The following LRP1B variants were observed in gnomAD, a reference collection of about 807,000 sequenced individuals.
The protein encoded by LRP1B is low-density lipoprotein receptor-related protein 1B.
Under a neutral mutation model 556.6 loss-of-function variants are expected in LRP1B, and 217 were observed. That is an observed-to-expected ratio of 0.39 (90% CI 0.35 to 0.44). The LOEUF is 0.44. Among genes scored for constraint, LRP1B ranks in the 20% least tolerant of loss-of-function variants. LRP1B has a pLI of 1.00. For synonymous variants in LRP1B, 2,047 were observed against 1,865.8 expected (o/e 1.10, Z -2.50); for missense variants, 5,053 against 5,620.8 (o/e 0.90, Z 3.23).
chr2:141,022,081 T>C (rs1698080046), intron 11 of LRP1B, among the ~76,000 whole-genome samples: 1 of 151,816 alleles, frequency 6.6e-6, no homozygotes, highest in South Asian at 2.1e-4. Context: ...TGACTAACTT[T>C]AACTAAAAAT....
intron 45 of LRP1B, among the ~76,000 whole-genome samples, chr2:140,538,852 T>C (rs1680027961): frequency 1.3e-5 from 2 of 152,116 alleles, no homozygotes; most frequent in Non-Finnish European, 2.9e-5. Context: ...AGTCCATTTT[T>C]AATCTTTTAT....
At chr2:141,028,905 C>T (rs555047037) in intron 11 of LRP1B, among the ~76,000 whole-genome samples, 20 of 152,136 alleles carry the variant, frequency 1.3e-4, no homozygotes, top group African/African-American at 2.6e-4. Context: ...GTGAAACATA[C>T]GCAGAATAAT....
chr2:142,028,383 T>C (rs1703576787), intron 1 of LRP1B, among the ~76,000 whole-genome samples: 2 of 152,092 alleles, frequency 1.3e-5, no homozygotes, highest in South Asian at 4.1e-4. Context: ...ACCTATTCAT[T>C]CTTCCAGTTT....
intron 3 of LRP1B, among the ~76,000 whole-genome samples, chr2:141,310,338 T>G (rs916987432): frequency 2.9e-4 from 44 of 152,174 alleles, no homozygotes; most frequent in African/African-American, 1.0e-3. Context: ...TACAAAGTCC[T>G]TGACATCTCT....
chr2:140,467,184 T>C (rs1357191214), intron 60 of LRP1B, among the ~76,000 whole-genome samples: 1 of 152,206 alleles, frequency 6.6e-6, no homozygotes, highest in Non-Finnish European at 1.5e-5. Flanking sequence ...TTTTTTCTTA[T>C]ATTCAGGGAA....
chr2:141,558,401 C>T (rs576634934), intron 2 of LRP1B, among the ~76,000 whole-genome samples: 66 of 151,598 alleles, frequency 4.4e-4, no homozygotes, highest in African/African-American at 1.5e-3. Flanking sequence ...CTACACAGTA[C>T]CTAAAGAGTT....
At chr2:140,678,764 A>T (rs1336919089) in intron 41 of LRP1B, among the ~76,000 whole-genome samples, 1 of 131,634 alleles carries the variant, frequency 7.6e-6, no homozygotes, top group Non-Finnish European at 1.6e-5. Flanking sequence ...TGAGGCTTCA[A>T]TCTCCCTTTT....
intron 78 of LRP1B, among the ~76,000 whole-genome samples, chr2:140,334,799 ACTACAG>A (rs954238850): frequency 6.6e-6 from 1 of 152,064 alleles, no homozygotes; most frequent in African/African-American, 2.4e-5. Context: ...ACTATGATGT[ACTACAG>A]CTCATTATTT....
chr2:141,985,800 AC>A (rs1702170993), intron 1 of LRP1B, among the ~76,000 whole-genome samples: 2 of 151,998 alleles, frequency 1.3e-5, no homozygotes, highest in Admixed American at 1.3e-4. Context: ...TGTCTAAAAT[AC>A]AGAACATATT....
At chr2:141,155,361 C>A (rs762092634) in intron 7 of LRP1B, among the ~76,000 whole-genome samples, 25 of 151,714 alleles carry the variant, frequency 1.6e-4, no homozygotes, top group Non-Finnish European at 3.2e-4. Flanking sequence ...CTTACATTTT[C>A]TTATGTGATC....
At chr2:142,020,724 TA>T (rs908744097) in intron 1 of LRP1B, among the ~76,000 whole-genome samples, 61 of 151,858 alleles carry the variant, frequency 4.0e-4, no homozygotes, top group Non-Finnish European at 7.5e-4. Flanking sequence ...AATAAATAAA[TA>T]AAAAAAAGCC....
At chr2:141,556,938 T>C (rs1574076910) in intron 2 of LRP1B, among the ~76,000 whole-genome samples, 1 of 151,980 alleles carries the variant, frequency 6.6e-6, no homozygotes, top group East Asian at 1.9e-4. Flanking sequence ...ATATTTCTTC[T>C]TATAATATCA....
chr2:141,996,058 C>A (rs2105125365), intron 1 of LRP1B, among the ~76,000 whole-genome samples: 1 of 152,180 alleles, frequency 6.6e-6, no homozygotes, highest in Non-Finnish European at 1.5e-5. Flanking sequence ...TCAAGACCAT[C>A]CTGGCCAACA....
At chr2:141,008,464 A>G (rs1206632705) in intron 14 of LRP1B, among the ~76,000 whole-genome samples, 1 of 151,252 alleles carries the variant, frequency 6.6e-6, no homozygotes, top group African/African-American at 2.4e-5. Context: ...TTACTCCAAA[A>G]TTGTGCTCTC....
chr2:140,427,796 T>C (rs1050937038), intron 66 of LRP1B, among the ~76,000 whole-genome samples: 11 of 150,642 alleles, frequency 7.3e-5, no homozygotes, highest in African/African-American at 2.4e-4. Context: ...ATCTGTCCTC[T>C]CCCCTCCTCG....
chr2:140,527,335 G>A (rs1394094002), intron 47 of LRP1B, among the ~76,000 whole-genome samples: 1 of 151,250 alleles, frequency 6.6e-6, no homozygotes, highest in Non-Finnish European at 1.5e-5. Flanking sequence ...CAACCAGAAG[G>A]GCCCTTTGAT....
At chr2:140,990,510 G>A (rs1697060019) in intron 16 of LRP1B, among the ~76,000 whole-genome samples, 1 of 151,864 alleles carries the variant, frequency 6.6e-6, no homozygotes, top group African/African-American at 2.4e-5. Flanking sequence ...AAAGAAAAAT[G>A]CATCACTTGT....
At chr2:140,564,582 T>C (rs1380547162) in intron 43 of LRP1B, among the ~76,000 whole-genome samples, 1 of 152,124 alleles carries the variant, frequency 6.6e-6, no homozygotes, top group Non-Finnish European at 1.5e-5. Flanking sequence ...CATTGAAAGC[T>C]ATTTGGCATT....
At chr2:141,013,799 C>T (rs2105386150) in intron 13 of LRP1B, 54 bp from the exon 14 acceptor site, 5 of 1,053,094 alleles carry the variant, frequency 4.7e-6, no homozygotes, top group Non-Finnish European at 6.6e-6. Context: ...AGAAACATAA[C>T]TAGATATTTA....
Sources: gnomAD v4.1 joint callset for allele counts (sites outside exome capture counted in the v4.1 genomes callset) on GRCh38, gnomAD v4.1.1 for gene constraint, MANE v1.5 for transcripts, NCBI Gene and HGNC (gene_info 2026-07-23, HGNC 2026-07-21) for gene names.